FREM2: variants seen among roughly 807,000 people sequenced by gnomAD.
FREM2 encodes the protein FRAS1-related extracellular matrix protein 2.
A neutral mutation model predicts 219.9 loss-of-function variants in FREM2; 119 were observed. The ratio of observed to expected loss-of-function variants is 0.54; its 90% CI spans 0.47 to 0.63. The LOEUF (loss-of-function observed/expected upper bound fraction) is 0.63, where lower values mean the gene tolerates loss of function less well. FREM2 is among the 30% of genes least tolerant of loss of function. The pLI is 0.00. For synonymous variants in FREM2, 1,562 were observed against 1,522.8 expected, an observed-to-expected ratio of 1.03 and a Z score of -0.60; for missense variants, 4,030 against 3,993.6, an observed-to-expected ratio of 1.01 and a Z score of -0.25.
intron 6 of FREM2, among the ~76,000 whole-genome samples, chr13:38,796,037 T>C (rs779540751): frequency 6.6e-6 from 1 of 152,122 alleles, no homozygotes; most frequent in Non-Finnish European, 1.5e-5. Flanking sequence ...AATGAGACTT[T>C]ATTGAAAAGA....
In FREM2 at chr13:38,850,120, G is replaced by T. The variant is rs1306132213; in HGVS notation, c.6462G>T (p.Gly2154=). 6.2e-7 allele frequency: 1 copy of T among 1,613,304 alleles called. No individual in the cohort carries two copies. Among genetic ancestry groups the T allele is most frequent in the African/African-American group, 1.3e-5 (1 of 74,908 alleles). The change falls in exon 9 of 24, where the codon GGG becomes GGT. Residue 2154 remains glycine, a synonymous_variant. Transcript: ENST00000280481. Reference sequence around the variant, plus strand: ...TAGTTACAATGATCCATAGGACTGGGGATGTCCAGTACAGATCTTCAGTGA... The same window carrying T: ...TAGTTACAATGATCCATAGGACTGGTGATGTCCAGTACAGATCTTCAGTGA... ...GQIVTMIHRT[G]DVQYRSSVRC...
At chr13:38,858,186 A>G (rs923396684) in intron 13 of FREM2, among the ~76,000 whole-genome samples, 153 bp downstream of exon 13, 1 of 152,222 alleles carries the variant, frequency 6.6e-6, no homozygotes, top group African/African-American at 2.4e-5. Flanking sequence ...ACACTAATCA[A>G]ATAAAGCTCC....
intron 6 of FREM2, among the ~76,000 whole-genome samples, chr13:38,801,697 G>A (rs1875014960): frequency 6.6e-6 from 1 of 152,078 alleles, no homozygotes; most frequent in African/African-American, 2.4e-5. Context: ...TGCTAGGTAG[G>A]CCAGTCTTTG....
chr13:38,748,582 T>C (rs2167027), intron 2 of FREM2, among the ~76,000 whole-genome samples: 152,289 of 152,302 alleles, frequency 1, 76,138 homozygotes, highest in Middle Eastern at 1. Context: ...CCTGCTGAAA[T>C]GAGATTGAGA....
chr13:38,696,062 C>A lies in FREM2; in HGVS notation c.5174-1636C>A, dbSNP rs571806887. Reference sequence around the variant, plus strand: ...GTGGCTTACACCTATAATCATAGCACTTTGGGAGGCTGATGTGGGAGGATT... The same window carrying A: ...GTGGCTTACACCTATAATCATAGCAATTTGGGAGGCTGATGTGGGAGGATT... On this transcript the variant is annotated intron_variant, in intron 1 of 23. Coordinates refer to ENST00000280481, the MANE Select transcript of FREM2 (RefSeq NM_207361.6). Among the ~76,000 whole-genome samples, 93 of 152,174 alleles carry A rather than the reference C, an allele frequency of 6.1e-4. 1 individual carries two copies. Among genetic ancestry groups the A allele is most frequent in the African/African-American group, 2.0e-3 (84 of 41,524 alleles).
At chr13:38,807,070 G>A (rs1293475689) in intron 6 of FREM2, among the ~76,000 whole-genome samples, 3 of 150,162 alleles carry the variant, frequency 2.0e-5, no homozygotes, top group African/African-American at 7.3e-5. Flanking sequence ...CACATCTGTA[G>A]TTACTTCCTC....
rs749772288 is a variant in FREM2, at chr13:38,856,179, T to C, written c.6979T>C (p.Phe2327Leu). 9.9e-6 allele frequency: 16 copies of C among 1,612,102 alleles called. No homozygotes were observed. Among genetic ancestry groups the C allele is most frequent in the Non-Finnish European group, 1.4e-5 (16 of 1,178,414 alleles). ...GCACGTGGTTGAAATCGAAGTTACC[T>C]TTGACGGGGTGAGAGAGATGAGAGA... ...TQHVVEIEVTFDGVREMREAF... is the reference protein window; with the variant it reads ...TQHVVEIEVTLDGVREMREAF... The change falls in exon 12 of 24, where the codon TTT becomes CTT. Residue 2327 changes from phenylalanine (F) to leucine (L), a missense_variant. Phe to Leu is a conservative substitution (Grantham distance 22). Transcript: ENST00000280481.
intron 4 of FREM2, among the ~76,000 whole-genome samples, chr13:38,777,249 T>A (rs6563633): frequency 0.7 from 106,529 of 152,070 alleles, 37,757 homozygotes; most frequent in Non-Finnish European, 0.73. Flanking sequence ...AACTTCGTTT[T>A]TTCTGATTCT....
rs747583210 is a variant in FREM2, at chr13:38,688,747, TG to T, written c.1405del (p.Val469SerfsTer8). The T allele has an allele frequency of 1.2e-6, 2 of 1,613,890 alleles. No homozygotes were observed. The highest frequency in any genetic ancestry group is 1.7e-6 in the Non-Finnish European group (2 of 1,179,924). ...TGPAGSGPQN[L>X]VISDEDDLEA... ...CCTGCAGGCAGTGGTCCGCAAAACTTGGTCATCAGCGATGAGGATGACCTAG... is the reference window on the plus strand; with the variant it reads ...CCTGCAGGCAGTGGTCCGCAAAACTTGTCATCAGCGATGAGGATGACCTAG... On this transcript the variant is annotated frameshift_variant, in exon 1 of 24. Coordinates refer to ENST00000280481, the MANE Select transcript of FREM2 (RefSeq NM_207361.6). LOFTEE classifies it high-confidence loss of function.
At chr13:38,764,578 T>A in intron 3 of FREM2, 128 bp downstream of exon 3, 2 of 616,808 alleles carry the variant, frequency 3.2e-6, no homozygotes, top group Non-Finnish European at 5.6e-6. Flanking sequence ...GTTCTCTAAC[T>A]GCTAAAGAAA....
At chr13:38,711,913 C>CTTTTTT (rs1224297915) in intron 2 of FREM2, among the ~76,000 whole-genome samples, 4 of 107,600 alleles carry the variant, frequency 3.7e-5, no homozygotes, top group East Asian at 2.8e-4. Context: ...CTGATAATTT[C>CTTTTTT]TTTTTTTTTT....
chr13:38,694,121 A>G (rs1870010436), intron 1 of FREM2, among the ~76,000 whole-genome samples: 1 of 152,218 alleles, frequency 6.6e-6, no homozygotes, highest in Admixed American at 6.5e-5. Context: ...AATTCTGTGG[A>G]CTAAGTCCAA....
intron 1 of FREM2, among the ~76,000 whole-genome samples, chr13:38,693,123 G>A (rs533785574): frequency 2.8e-4 from 42 of 152,254 alleles, no homozygotes; most frequent in African/African-American, 8.9e-4. Flanking sequence ...ATCCAGAGAC[G>A]TAATTGATAA....
intron 6 of FREM2, among the ~76,000 whole-genome samples, chr13:38,796,809 G>A (rs1874807338): frequency 6.6e-6 from 1 of 152,054 alleles, no homozygotes; most frequent in African/African-American, 2.4e-5. Flanking sequence ...GGATAGTATG[G>A]TGGTTCTATT....
At chr13:38,797,289 T>C (rs1566145708) in intron 6 of FREM2, among the ~76,000 whole-genome samples, 1 of 152,148 alleles carries the variant, frequency 6.6e-6, no homozygotes, top group Non-Finnish European at 1.5e-5. Context: ...TTTTTAATAT[T>C]AGCCAGTCTA....
intron 2 of FREM2, among the ~76,000 whole-genome samples, chr13:38,714,963 G>T (rs1321608366): frequency 6.6e-6 from 1 of 151,836 alleles, no homozygotes; most frequent in Non-Finnish European, 1.5e-5. Flanking sequence ...ATGGTGGCGG[G>T]CACCTGTAAT....
rs536955217 is a variant in FREM2, at chr13:38,877,025, C to T, written c.8545-92C>T. ...TTGCGATGCAGTGTTTAGTGTTCTA[C>T]AGTGTACGGTGAATGTATGTATCTG... On this transcript the variant is annotated intron_variant, in intron 20 of 23. Coordinates refer to ENST00000280481, the MANE Select transcript of FREM2 (RefSeq NM_207361.6). 2.3e-4 allele frequency: 314 copies of T among 1,371,526 alleles called. No individual in the cohort carries two copies. In the African/African-American group the frequency reaches 4.0e-3, roughly 17 times the overall value. 85.0% of individuals were successfully genotyped at this position (1,371,526 alleles called of 1,614,324 possible).
At chr13:38,696,110 A>G (rs1439247186) in intron 1 of FREM2, among the ~76,000 whole-genome samples, 2 of 152,180 alleles carry the variant, frequency 1.3e-5, no homozygotes, top group African/African-American at 2.4e-5. Flanking sequence ...CCTGGGCGAC[A>G]TAGTGAGACC....
At chr13:38,706,140 T>C (rs1870529837) in intron 2 of FREM2, among the ~76,000 whole-genome samples, 2 of 152,192 alleles carry the variant, frequency 1.3e-5, no homozygotes, top group African/African-American at 4.8e-5. Context: ...TTTCTCCTTT[T>C]TAAGGGTTGA....
Sources: allele counts gnomAD v4.1 joint callset (sites outside exome capture counted in the v4.1 genomes callset), GRCh38; gene constraint gnomAD v4.1.1; transcripts MANE v1.5; gene names NCBI Gene and HGNC (gene_info 2026-07-23, HGNC 2026-07-21).